Variants in PLXNB1 observed in about 807,000 individuals in gnomAD.
The protein encoded by PLXNB1 is plexin B1.
PLXNB1 carries 106 observed loss-of-function variants against 209.4 expected under a neutral mutation model. That is an observed-to-expected ratio of 0.51 (90% CI 0.43 to 0.59). The LOEUF (loss-of-function observed/expected upper bound fraction) is 0.59, where lower values mean the gene tolerates loss of function less well. PLXNB1 is among the 20% of genes least tolerant of loss of function. The probability of loss-of-function intolerance (pLI) is 0.00; values close to 1 mark genes in which losing one functional copy is unlikely to be tolerated. For synonymous variants in PLXNB1, 1,167 were observed against 1,183.2 expected (o/e 0.99, Z 0.28); for missense variants, 2,357 against 2,853.2 (o/e 0.83, Z 3.96).
rs752280162 is a variant in PLXNB1, at chr3:48,424,635, C to CGA, written c.-6-20_-6-19dup. On this transcript the variant is annotated intron_variant, in intron 2 of 37. Coordinates refer to ENST00000296440, the MANE Select transcript of PLXNB1 (RefSeq NM_001130082.3). ...ATGGTCACCTGGCAGGAAGAGAGGT[C>CGA]GAGAGAGTGGGGCTCACGTGGCCGC... The CGA allele has an allele frequency of 8.3e-4, 1,266 of 1,532,050 alleles. 3 individuals carry two copies. The highest frequency in any genetic ancestry group is 1.0e-3 in the Non-Finnish European group (1,164 of 1,144,314). 94.9% of individuals were successfully genotyped at this position (1,532,050 alleles called of 1,614,324 possible).
At position 48,430,015 on chromosome 3, in the gene PLXNB1, C is replaced by T. The variant is rs74729399; in HGVS notation, c.-67G>A. ...CTCCCCAACTTTCTTTACCTGAACTCCAAGGCGCCTTGTTTCTCCCCTGCG... is the reference window on the plus strand; with the variant it reads ...CTCCCCAACTTTCTTTACCTGAACTTCAAGGCGCCTTGTTTCTCCCCTGCG... On this transcript the variant is annotated 5_prime_UTR_variant, in exon 1 of 38. Coordinates refer to ENST00000296440, the MANE Select transcript of PLXNB1 (RefSeq NM_001130082.3). The T allele has an allele frequency of 6.5e-6, 1 of 152,730 alleles. No homozygotes were observed. The highest frequency in any genetic ancestry group is 2.4e-5 in the African/African-American group (1 of 41,578). The allele number at this position is 152,730 out of a possible 1,614,324, so 9.5% of individuals were successfully genotyped here. A position where few individuals can be genotyped will look rare whatever the true frequency, so the allele number is the denominator to read the frequency against.
At chr3:48,421,918 T>C in intron 6 of PLXNB1, 112 bp from the exon 7 acceptor site, 1 of 1,469,554 alleles carries the variant, frequency 6.8e-7, no homozygotes, top group Non-Finnish European at 9.1e-7. Context: ...GTGGGCATGA[T>C]AGAGGCTCCT....
Position 48,411,564 on chromosome 3 carries a change from G to C in PLXNB1, c.5247+299C>G, listed in dbSNP as rs2037686175. ...GGCCAGGCAGACAGGGTCAGGCCCT[G>C]ACACAGCTCAAGCCCATGGTCTAAG... On this transcript the variant is annotated intron_variant, in intron 28 of 37. Transcript: ENST00000296440. The surrounding 1 kb of genome is among the most constrained non-coding windows in gnomAD (Gnocchi z 4.0). Among the ~76,000 whole-genome samples, 1 of 152,190 alleles carries C rather than the reference G, an allele frequency of 6.6e-6. No homozygotes were observed. The highest frequency in any genetic ancestry group is 2.4e-5 in the African/African-American group (1 of 41,432).
chr3:48,410,090 C>T lies in PLXNB1; in HGVS notation c.5606-13G>A. On this transcript the variant is annotated splice_polypyrimidine_tract_variant and intron_variant, in intron 31 of 37. Coordinates refer to ENST00000296440, the MANE Select transcript of PLXNB1 (RefSeq NM_001130082.3). This position sits in a 1 kb window ranked among gnomAD's most constrained non-coding sequence, Gnocchi z 6.4. ...AGCATTGGGGTCCCTGTGCCAAGAG[C>T]CCACAGCTGTCACCCCTCCCCAGGT... 6.4e-7 allele frequency: 1 copy of T among 1,566,050 alleles called. No individual in the cohort carries two copies. The highest frequency in any genetic ancestry group is 8.7e-7 in the Non-Finnish European group (1 of 1,152,228).
intron 34 of PLXNB1, 21 bp from the exon 35 acceptor site, chr3:48,407,112 G>C: frequency 6.2e-7 from 1 of 1,609,076 alleles, no homozygotes; most frequent in Non-Finnish European, 8.5e-7. Context: ...CAGGAGGACA[G>C]CAAAAGAGGA....
Position 48,412,027 on chromosome 3 carries a change from G to C in PLXNB1, c.5101-18C>G. ...ACGGAGTCCTAGGAGAGCACAGGCA[G>C]TTAGGGCCCCCCAGCAGGTGGCAGA... On this transcript the variant is annotated intron_variant, in intron 27 of 37. Coordinates refer to ENST00000296440, the MANE Select transcript of PLXNB1 (RefSeq NM_001130082.3). 2 of 1,613,586 alleles carry C rather than the reference G, an allele frequency of 1.2e-6. No individual in the cohort carries two copies. The highest frequency in any genetic ancestry group is 1.7e-6 in the Non-Finnish European group (2 of 1,179,744).
chr3:48,420,155 C>CGGGA lies in PLXNB1; in HGVS notation c.2127_2130dup (p.Val711SerfsTer20). On this transcript the variant is annotated frameshift_variant, in exon 11 of 38. Coordinates refer to ENST00000296440, the MANE Select transcript of PLXNB1 (RefSeq NM_001130082.3). LOFTEE classifies it high-confidence loss of function. ...GCTGTGGAGGGAGCCCCAGGCTCCACGGGAAGGGTGTCAGGAGCAGGGGTG... is the reference window on the plus strand; with the variant it reads ...GCTGTGGAGGGAGCCCCAGGCTCCACGGGAGGGAAGGGTGTCAGGAGCAGGGGTG... 7.9e-7 allele frequency: 1 copy of CGGGA among 1,269,368 alleles called. No homozygotes were observed. The highest frequency in any genetic ancestry group is 1.0e-6 in the Non-Finnish European group (1 of 963,498). 78.6% of individuals were successfully genotyped at this position (1,269,368 alleles called of 1,614,324 possible). A position where few individuals can be genotyped will look rare whatever the true frequency, so the allele number is the denominator to read the frequency against.
At position 48,405,475 on chromosome 3, in the gene PLXNB1, A is replaced by G. The variant is rs1350041926; in HGVS notation, c.6303+249T>C. The stretch of plus-strand genomic sequence containing the variant: ...CCTGGTAGACCCCTTGGCCCCCACA[A>G]CCACCAGCACTGTGCCTCGCCGTCC... On this transcript the variant is annotated intron_variant, in intron 37 of 37. Coordinates refer to ENST00000296440, the MANE Select transcript of PLXNB1 (RefSeq NM_001130082.3). This position sits in a 1 kb window ranked among gnomAD's most constrained non-coding sequence, Gnocchi z 5.0. Among the ~76,000 whole-genome samples, 1 of 152,120 alleles carries G rather than the reference A, an allele frequency of 6.6e-6. No individual in the cohort carries two copies. Among genetic ancestry groups the G allele is most frequent in the Non-Finnish European group, 1.5e-5 (1 of 68,016 alleles).
At position 48,413,707 on chromosome 3, in the gene PLXNB1, GA is replaced by G; in HGVS notation, c.4497del (p.Leu1500TrpfsTer20). On this transcript the variant is annotated frameshift_variant, in exon 23 of 38. Transcript: ENST00000296440. LOFTEE classifies it high-confidence loss of function. This position sits in a 1 kb window ranked among gnomAD's most constrained non-coding sequence, Gnocchi z 5.4. ...AQVGLGVGTS[L>X]LALGVIIIVL... is the part of the protein sequence containing the mutation. ...ACAATGATGATGACACCCAGAGCCA[GA>G]AGAGAGGTGCCCACCCCCAAGCCCA... 6.2e-7 allele frequency: 1 copy of G among 1,613,670 alleles called. No homozygotes were observed. The highest frequency in any genetic ancestry group is 8.5e-7 in the Non-Finnish European group (1 of 1,179,990).
Position 48,410,532 on chromosome 3 carries a change from G to A in PLXNB1, c.5443C>T (p.Leu1815Phe). The change falls in exon 30 of 38, where the codon CTC becomes TTC. Residue 1815 changes from leucine to phenylalanine, a missense_variant. Coordinates refer to ENST00000296440, the MANE Select transcript of PLXNB1 (RefSeq NM_001130082.3). The surrounding 1 kb of genome is among the most constrained non-coding windows in gnomAD (Gnocchi z 6.4). ...GTGACATCCTCGTCAGAAAGAATGA[G>A]GTGCCCGGCCACCCCAGACCGCCAC... The part of the protein sequence containing the change: ...VEWRSGVAGH[L>F]ILSDEDVTSE... The A allele has an allele frequency of 1.2e-6, 2 of 1,613,726 alleles. No individual in the cohort carries two copies. The highest frequency in any genetic ancestry group is 2.2e-5 in the East Asian group (1 of 44,876).
Position 48,418,650 on chromosome 3 carries a change from A to C in PLXNB1, c.2956-108T>G. ...AACGACCAGTTAGGAGCATAGGGTC[A>C]GAGGGACCCCATGGGGCCACAAGTT... On this transcript the variant is annotated intron_variant, in intron 13 of 37. Coordinates refer to ENST00000296440, the MANE Select transcript of PLXNB1 (RefSeq NM_001130082.3). The surrounding 1 kb of genome is among the most constrained non-coding windows in gnomAD (Gnocchi z 6.6). 9.6e-7 allele frequency: 1 copy of C among 1,040,052 alleles called. No homozygotes were observed. Among genetic ancestry groups the C allele is most frequent in the Non-Finnish European group, 1.4e-6 (1 of 693,630 alleles). The allele number at this position is 1,040,052 out of a possible 1,614,324, so 64.4% of individuals were successfully genotyped here.
chr3:48,409,834 A>G lies in PLXNB1; in HGVS notation c.5778+71T>C. 1.9e-6 allele frequency: 3 copies of G among 1,573,504 alleles called. No individual in the cohort carries two copies. The highest frequency in any genetic ancestry group is 1.2e-5 in the South Asian group (1 of 86,736). ...ACTGTGCCTGCACGAGCCCCACACC[A>G]CCCCCAAATCCCACGAGTGGCCATG... is the stretch of plus-strand genomic sequence containing the variant. On this transcript the variant is annotated intron_variant, in intron 32 of 37. Coordinates refer to ENST00000296440, the MANE Select transcript of PLXNB1 (RefSeq NM_001130082.3). The surrounding 1 kb of genome is among the most constrained non-coding windows in gnomAD (Gnocchi z 5.8).
Position 48,410,715 on chromosome 3 carries a change from G to C in PLXNB1, c.5416+153C>G, listed in dbSNP as rs2037623885. 2.1e-6 allele frequency: 2 copies of C among 950,462 alleles called. No homozygotes were observed. Among genetic ancestry groups the C allele is most frequent in the Admixed American group, 2.3e-5 (1 of 42,658 alleles). 58.9% of individuals were successfully genotyped at this position (950,462 alleles called of 1,614,324 possible). A position where few individuals can be genotyped will look rare whatever the true frequency, so the allele number is the denominator to read the frequency against. On this transcript the variant is annotated intron_variant, in intron 29 of 37. Transcript: ENST00000296440. The surrounding 1 kb of genome is among the most constrained non-coding windows in gnomAD (Gnocchi z 6.4). ...GAGCAGGGACCCCCTCCCCAGATGA[G>C]AGGCTGTCCAAGAAAGATGTTCCAA...
At chr3:48,426,472 CTG>C (rs2107017953) in intron 1 of PLXNB1, among the ~76,000 whole-genome samples, 1 of 152,348 alleles carries the variant, frequency 6.6e-6, no homozygotes, top group African/African-American at 2.4e-5. Flanking sequence ...GCCAAGCTGT[CTG>C]TGCAAAATAT....
chr3:48,418,460 T>G lies in PLXNB1; in HGVS notation c.3038A>C (p.Glu1013Ala). 6.2e-7 allele frequency: 1 copy of G among 1,613,060 alleles called. No homozygotes were observed. Among genetic ancestry groups the G allele is most frequent in the Non-Finnish European group, 8.5e-7 (1 of 1,179,792 alleles). Residue 1013 changes from glutamate (E) to alanine (A), a missense_variant, in exon 14 of 38, where the codon GAG becomes GCG. Around this residue, in one of 7 missense-constraint regions of PLXNB1, gnomAD observed 743 missense variants for 896.2 expected, o/e 0.83. Transcript: ENST00000296440. The surrounding 1 kb of genome is among the most constrained non-coding windows in gnomAD (Gnocchi z 6.6). ...RAGRLRVDSA[E>A]GLHVVLYDCS... The stretch of plus-strand genomic sequence containing the variant: ...CGCAGGTGGCTCACCATGCAGCCCC[T>G]CAGCACTGTCCACACGCAGACGGCC...
chr3:48,408,332 A>T (rs1186900474), intron 34 of PLXNB1, among the ~76,000 whole-genome samples: 1 of 152,016 alleles, frequency 6.6e-6, no homozygotes, highest in Non-Finnish European at 1.5e-5. Context: ...TTTTTCCCAG[A>T]GGTGTAGGGA....
chr3:48,423,779 G>A lies in PLXNB1; in HGVS notation c.833C>T (p.Ala278Val). 1 of 1,614,000 alleles carries A rather than the reference G, an allele frequency of 6.2e-7. No homozygotes were observed. The highest frequency in any genetic ancestry group is 8.5e-7 in the Non-Finnish European group (1 of 1,180,002). The change falls in exon 3 of 38, where the codon GCT (alanine) becomes GTT (valine). Residue 278 changes from alanine (A) to valine (V), a missense_variant. Ala to Val is a moderately conservative substitution (Grantham distance 64, BLOSUM62 0). Transcript: ENST00000296440. ...CTCCCTGGACGTGGCCACAGCTGCA[G>A]CCTGGATCAGCCCGTAGCGGCCACC... ...CEGGRYGLIQ[A>V]AAVATSREVA...
intron 4 of PLXNB1, 149 bp from the exon 5 acceptor site, chr3:48,422,608 G>T (rs560854139): frequency 1.6e-6 from 2 of 1,251,998 alleles, no homozygotes; most frequent in Non-Finnish European, 2.2e-6. Context: ...GGGGATGGAG[G>T]AAAGTCACAG....
At position 48,423,904 on chromosome 3, in the gene PLXNB1, G is replaced by A; in HGVS notation, c.708C>T (p.Asp236=). ...ASAYFLFLRR[D]LQAQSRAFRA... is the part of the protein sequence containing the mutation. ...GAAAAGCTCTAGACTGAGCCTGCAG[G>A]TCCCGCCGCAGGAACAGGAAGTAGG... The change falls in exon 3 of 38, where the codon GAC becomes GAT. Residue 236 remains aspartate (D), a synonymous_variant. Transcript: ENST00000296440. 6.2e-7 allele frequency: 1 copy of A among 1,613,920 alleles called. No homozygotes were observed. Among genetic ancestry groups the A allele is most frequent in the Non-Finnish European group, 8.5e-7 (1 of 1,179,962 alleles).
Sources: allele counts gnomAD v4.1 joint callset (sites outside exome capture counted in the v4.1 genomes callset), GRCh38; gene constraint gnomAD v4.1.1; regional missense constraint gnomAD v4.1.1; non-coding constraint Gnocchi (gnomAD v3.1); transcripts MANE v1.5; gene names NCBI Gene and HGNC (gene_info 2026-07-23, HGNC 2026-07-21).